The following MAF variants were observed in gnomAD, a reference collection of about 807,000 sequenced individuals.
MAF encodes transcription factor Maf.
A neutral mutation model predicts 22.0 loss-of-function variants in MAF; 10 were observed. That is an observed-to-expected ratio of 0.45 (90% CI 0.28 to 0.77). The LOEUF (loss-of-function observed/expected upper bound fraction) is 0.77. MAF is among the 30% of genes least tolerant of loss of function. The pLI, the probability that MAF is intolerant of heterozygous loss-of-function variation, is 0.12. For missense variants in MAF, 544 were observed against 548.4 expected, an observed-to-expected ratio of 0.99 and a Z score of 0.08; for synonymous variants, 337 against 255.8, an observed-to-expected ratio of 1.32 and a Z score of -3.03.
At chr16:79,585,891 C>T (rs1286640797) in exon 2 of MAF, 3 of 679,080 alleles carry the variant, frequency 4.4e-6, no homozygotes, top group South Asian at 1.6e-5. Context: ...TCTTTGACTT[C>T]AGGCAACTGG....
chr16:79,409,533 TAAC>T, the MAF span, among the ~76,000 whole-genome samples: 3 of 152,216 alleles, frequency 2.0e-5, no homozygotes, highest in African/African-American at 4.8e-5. Context: ...TGTCTTCACA[TAAC>T]AACTGCTGGG....
the MAF span, among the ~76,000 whole-genome samples, chr16:79,339,272 C>G: frequency 1.3e-5 from 2 of 152,030 alleles, no homozygotes; most frequent in African/African-American, 4.8e-5. Flanking sequence ...GGGGTTTCAC[C>G]GTGGTCTCGA....
the MAF span, among the ~76,000 whole-genome samples, chr16:79,317,983 A>G: frequency 1.3e-5 from 2 of 152,188 alleles, no homozygotes; most frequent in African/African-American, 4.8e-5. Flanking sequence ...GCAAAGAGCC[A>G]CATCCTGGAA....
the MAF span, among the ~76,000 whole-genome samples, chr16:79,410,370 T>C: frequency 2.6e-5 from 4 of 152,232 alleles, no homozygotes; most frequent in Non-Finnish European, 5.9e-5. Context: ...CAAAGTTAAA[T>C]AGCCACATGC....
chr16:79,382,035 T>C, the MAF span, among the ~76,000 whole-genome samples: 2 of 152,218 alleles, frequency 1.3e-5, no homozygotes, highest in Non-Finnish European at 2.9e-5. Flanking sequence ...TCCTTTCCCC[T>C]GTCTCTTCCA....
chr16:79,598,943 C>T lies in MAF; in HGVS notation c.960G>A (p.Lys320=), dbSNP rs762044711. 1.1e-5 allele frequency: 17 copies of T among 1,613,854 alleles called. No individual in the cohort carries two copies. In the East Asian group the frequency reaches 3.8e-4, roughly 36 times the overall value. ...VQQRHVLESE[K]NQLLQQVDHL... ...GGTCGACTTGCTGCAGCAGCTGGTT[C>T]TTCTCCGACTCCAGGACGTGTCTCT... Residue 320 remains lysine, a synonymous_variant, in exon 1 of 2, where the codon AAG becomes AAA. Transcript: ENST00000326043.
chr16:79,269,591 C>T, the MAF span, among the ~76,000 whole-genome samples: 2 of 152,054 alleles, frequency 1.3e-5, no homozygotes, highest in Non-Finnish European at 2.9e-5. Flanking sequence ...GAAATAAGGT[C>T]ATGGTGAAGA....
chr16:79,433,025 T>C, the MAF span, among the ~76,000 whole-genome samples: 1 of 152,144 alleles, frequency 6.6e-6, no homozygotes, highest in African/African-American at 2.4e-5. Context: ...GTAAGATAGT[T>C]CTTCCTTCAT....
At chr16:79,469,189 G>C in the MAF span, among the ~76,000 whole-genome samples, 1 of 152,160 alleles carries the variant, frequency 6.6e-6, no homozygotes, top group African/African-American at 2.4e-5. Flanking sequence ...TTGGAACATA[G>C]CCATGACCGT....
chr16:79,406,632 C>G, the MAF span, among the ~76,000 whole-genome samples: 2 of 152,168 alleles, frequency 1.3e-5, no homozygotes, highest in African/African-American at 2.4e-5. Context: ...CAAATACCAT[C>G]ACATTGGGGG....
the MAF span, among the ~76,000 whole-genome samples, chr16:79,333,488 G>A: frequency 6.6e-6 from 1 of 152,134 alleles, no homozygotes; most frequent in African/African-American, 2.4e-5. Flanking sequence ...GGTGCCCATA[G>A]GATGTGCCAA....
At chr16:79,207,037 A>G in the MAF span, among the ~76,000 whole-genome samples, 1 of 152,154 alleles carries the variant, frequency 6.6e-6, no homozygotes, top group African/African-American at 2.4e-5. Context: ...TGACCTCTGC[A>G]CTGTTCTGGG....
chr16:79,577,253 G>C, the MAF span, among the ~76,000 whole-genome samples: 1 of 152,094 alleles, frequency 6.6e-6, no homozygotes, highest in Non-Finnish European at 1.5e-5. Flanking sequence ...ACCCTACTGA[G>C]AAAAAGATGA....
chr16:79,597,169 G>T, intron 1 of MAF: 1 of 1,055,352 alleles, frequency 9.5e-7, no homozygotes, highest in Non-Finnish European at 1.1e-6. Context: ...CATCACAATA[G>T]TAAACAATTT....
the MAF span, among the ~76,000 whole-genome samples, chr16:79,381,341 A>C: frequency 1.3e-5 from 2 of 152,268 alleles, no homozygotes; most frequent in African/African-American, 4.8e-5. Context: ...TCAGACGGTC[A>C]GTCTGGAAAA....
At chr16:79,294,872 C>G in the MAF span, among the ~76,000 whole-genome samples, 1 of 152,198 alleles carries the variant, frequency 6.6e-6, no homozygotes, top group Non-Finnish European at 1.5e-5. Flanking sequence ...AAAGAATCAA[C>G]TGAACTGCTC....
the MAF span, among the ~76,000 whole-genome samples, chr16:79,283,116 C>T: frequency 6.6e-6 from 1 of 152,168 alleles, no homozygotes; most frequent in East Asian, 1.9e-4. Flanking sequence ...GTAACTGCAA[C>T]CAGCACAGTA....
the MAF span, among the ~76,000 whole-genome samples, chr16:79,296,185 T>C: frequency 2.0e-5 from 3 of 152,248 alleles, no homozygotes; most frequent in Non-Finnish European, 4.4e-5. Context: ...AAATAAGTTA[T>C]TATATACGAA....
At chr16:79,264,929 G>T in the MAF span, among the ~76,000 whole-genome samples, 2 of 152,146 alleles carry the variant, frequency 1.3e-5, no homozygotes, top group Admixed American at 6.5e-5. Context: ...GACTTGCAAA[G>T]TCAAAGGGGA....
Sources: allele counts gnomAD v4.1 joint callset (sites outside exome capture counted in the v4.1 genomes callset), GRCh38; gene constraint gnomAD v4.1.1; transcripts MANE v1.5; gene names NCBI Gene and HGNC (gene_info 2026-07-23, HGNC 2026-07-21).